Variants in FOXP1 observed in about 807,000 individuals in gnomAD.
FOXP1 encodes the protein forkhead box protein P1.
FOXP1 carries 15 observed loss-of-function variants against 98.2 expected under a neutral mutation model. The ratio of observed to expected loss-of-function variants is 0.15; its 90% CI spans 0.10 to 0.24. The LOEUF (loss-of-function observed/expected upper bound fraction) is 0.24. Ranked by LOEUF, FOXP1 falls within the 10% of genes least tolerant of loss-of-function variation. The pLI is 1.00. For missense variants in FOXP1, 633 were observed against 848.5 expected (o/e 0.75, Z 3.15); for synonymous variants, 371 against 314.5 (o/e 1.18, Z -1.90).
At chr3:71,505,318 A>ACAGG (rs2041726702) in intron 2 of FOXP1, among the ~76,000 whole-genome samples, 1 of 151,858 alleles carries the variant, frequency 6.6e-6, no homozygotes, top group African/African-American at 2.4e-5. Context: ...TGGAAATGAG[A>ACAGG]CAGGACATCT....
chr3:71,495,930 G>C (rs1165871428), intron 2 of FOXP1, among the ~76,000 whole-genome samples: 2 of 152,180 alleles, frequency 1.3e-5, no homozygotes, highest in African/African-American at 2.4e-5. Context: ...CAGGGAGAGG[G>C]AAGGAATGTG....
intron 2 of FOXP1, among the ~76,000 whole-genome samples, chr3:71,515,507 G>A (rs1352925756): frequency 4.0e-5 from 6 of 150,452 alleles, no homozygotes; most frequent in Admixed American, 3.3e-4. Flanking sequence ...ACGCTTGCAG[G>A]GTAACAGTCA....
intron 3 of FOXP1, among the ~76,000 whole-genome samples, chr3:71,392,007 T>G (rs1577268764): frequency 6.6e-6 from 1 of 152,300 alleles, no homozygotes; most frequent in South Asian, 2.1e-4. Flanking sequence ...AATCTATTAC[T>G]CAGTGAAGAA....
intron 3 of FOXP1, among the ~76,000 whole-genome samples, chr3:71,488,256 T>C (rs1475768033): frequency 6.6e-6 from 1 of 152,268 alleles, no homozygotes; most frequent in Non-Finnish European, 1.5e-5. Flanking sequence ...TGCAATCTTC[T>C]AATTGGAATT....
chr3:70,988,914 G>T (rs2040181196), intron 13 of FOXP1, among the ~76,000 whole-genome samples: 1 of 152,148 alleles, frequency 6.6e-6, no homozygotes, highest in Non-Finnish European at 1.5e-5. Context: ...ATAGTCAAGA[G>T]AACAGCTGTG....
intron 5 of FOXP1, among the ~76,000 whole-genome samples, chr3:71,293,340 G>A (rs914455248): frequency 2.0e-5 from 3 of 152,112 alleles, no homozygotes; most frequent in African/African-American, 7.2e-5. Context: ...AGTGGTGTGA[G>A]CCTATAGTCC....
intron 3 of FOXP1, among the ~76,000 whole-genome samples, chr3:71,409,223 C>T (rs2082552903): frequency 6.6e-6 from 1 of 152,164 alleles, no homozygotes; most frequent in African/African-American, 2.4e-5. Context: ...CACCCACAGT[C>T]TCCATTTCTT....
At chr3:71,582,481 G>A in intron 1 of FOXP1, 3 of 985,440 alleles carry the variant, frequency 3.0e-6, no homozygotes, top group Non-Finnish European at 2.4e-6. Flanking sequence ...GAGCTCGGGA[G>A]GAAGGCTGCG....
intron 2 of FOXP1, among the ~76,000 whole-genome samples, chr3:71,565,966 C>G (rs2046881504): frequency 6.6e-6 from 1 of 152,134 alleles, no homozygotes; most frequent in South Asian, 2.1e-4. Flanking sequence ...ACGAGTGAAT[C>G]AGTCAATAAA....
chr3:71,292,867 G>A (rs962411050), intron 5 of FOXP1, among the ~76,000 whole-genome samples: 3 of 152,126 alleles, frequency 2.0e-5, no homozygotes, highest in African/African-American at 7.2e-5. Context: ...AAACTGAAAC[G>A]ATTCATCTTC....
At chr3:71,227,640 C>T (rs2065943707) in intron 5 of FOXP1, among the ~76,000 whole-genome samples, 1 of 151,422 alleles carries the variant, frequency 6.6e-6, no homozygotes, top group Admixed American at 6.6e-5. Context: ...GTAAACTTGT[C>T]TTGTTCTCTT....
Position 71,309,809 on chromosome 3 carries a change from A to C in FOXP1, c.-72-9929T>G, listed in dbSNP as rs117019048. On this transcript the variant is annotated intron_variant, in intron 4 of 20. Transcript: ENST00000649528. Reference sequence around the variant, plus strand: ...GACCACCAAGAACCTCACCATGATAAAAATGTTCTCACATGGACATATCTG... The same window carrying C: ...GACCACCAAGAACCTCACCATGATACAAATGTTCTCACATGGACATATCTG... Among the ~76,000 whole-genome samples the C allele has an allele frequency of 2.9e-3, 434 of 152,194 alleles. 17 individuals are homozygous for C. In the South Asian group the frequency reaches 0.076, roughly 27 times the overall value.
intron 2 of FOXP1, chr3:71,581,197 A>G: frequency 2.0e-6 from 2 of 985,368 alleles, no homozygotes; most frequent in Non-Finnish European, 2.4e-6. Context: ...TCAGCCCAGC[A>G]AGGGTATTTG....
chr3:71,254,187 C>A (rs562813314), intron 5 of FOXP1, among the ~76,000 whole-genome samples: 2 of 152,248 alleles, frequency 1.3e-5, no homozygotes, highest in East Asian at 1.9e-4. Context: ...TTTCCTCCCC[C>A]CTAACTTCCT....
At position 71,178,841 on chromosome 3, in the gene FOXP1, A is replaced by G. The variant is rs2062106006; in HGVS notation, c.180+19361T>C. Among the ~76,000 whole-genome samples, 4 of 151,774 alleles carry G rather than the reference A, an allele frequency of 2.6e-5. 1 individual carries two copies. The South Asian group carries it at 8.4e-4, about 32-fold the overall frequency. ...GGAGCTTGCAGTGAGCCAAGATCGC[A>G]CCACTGCACTGCAGCCTGGGCGACA... On this transcript the variant is annotated intron_variant, in intron 6 of 20. Transcript: ENST00000649528.
chr3:71,583,395 T>A, intron 1 of FOXP1, 176 bp downstream of exon 1: 1 of 897,710 alleles, frequency 1.1e-6, no homozygotes, highest in Non-Finnish European at 1.3e-6. Context: ...CTGGGGGAGA[T>A]GCACGTGGAG....
chr3:71,042,121 T>G (rs1451581077), intron 10 of FOXP1, among the ~76,000 whole-genome samples: 1 of 152,200 alleles, frequency 6.6e-6, no homozygotes, highest in Non-Finnish European at 1.5e-5. Flanking sequence ...CTCATTAATT[T>G]TGGTTTCTAG....
intron 7 of FOXP1, among the ~76,000 whole-genome samples, chr3:71,070,925 CAATCCAGCCGACAATA>C (rs1440402716): frequency 2.0e-5 from 3 of 152,172 alleles, no homozygotes; most frequent in African/African-American, 7.2e-5. Flanking sequence ...AAAGAACACC[CAATCCAGCCGACAATA>C]AATCTTACAC....
chr3:70,968,998 G>T (rs1167926046), intron 19 of FOXP1: 1 of 152,154 alleles, frequency 6.6e-6, no homozygotes, highest in African/African-American at 2.4e-5. Flanking sequence ...GACAGTTTTG[G>T]GCTACTGAAG....
Sources: allele counts gnomAD v4.1 joint callset (sites outside exome capture counted in the v4.1 genomes callset), GRCh38; gene constraint gnomAD v4.1.1; transcripts MANE v1.5; gene names NCBI Gene and HGNC (gene_info 2026-07-23, HGNC 2026-07-21).